Variants in TNS2 observed in about 807,000 individuals in gnomAD.
TNS2 encodes tensin-2.
A neutral mutation model predicts 155.7 loss-of-function variants in TNS2; 77 were observed. The ratio of observed to expected loss-of-function variants is 0.49; its 90% CI spans 0.41 to 0.60. The LOEUF (loss-of-function observed/expected upper bound fraction) is 0.60. TNS2 is among the 20% of genes least tolerant of loss of function. The pLI, the probability that TNS2 is intolerant of heterozygous loss-of-function variation, is 0.00. For synonymous variants in TNS2, 726 were observed against 763.9 expected, an observed-to-expected ratio of 0.95 and a Z score of 0.82; for missense variants, 1,703 against 1,868.8, an observed-to-expected ratio of 0.91 and a Z score of 1.64.
Position 53,053,488 on chromosome 12 carries a change from C to T in TNS2, c.261+39C>T, listed in dbSNP as rs772336093. The T allele has an allele frequency of 1.1e-5, 17 of 1,613,142 alleles. No homozygotes were observed. The East Asian group carries it at 3.3e-4, about 32-fold the overall frequency. ...GGGATGGGGTGGGGAGGGCAAGGAA[C>T]CTGGCCATGGTGTCCAGAGGTCTGG... On this transcript the variant is annotated intron_variant, in intron 4 of 28. Coordinates refer to ENST00000314250, the MANE Select transcript of TNS2 (RefSeq NM_170754.4).
At chr12:53,049,023 G>A (rs749344936), upstream of TNS2, 12 of 665,950 alleles carry the variant, frequency 1.8e-5, no homozygotes, top group Non-Finnish European at 2.7e-5. Context: ...AGACTCCCAG[G>A]CCATTAACCC....
chr12:53,056,055 G>A, intron 10 of TNS2: 1 of 550,062 alleles, frequency 1.8e-6, no homozygotes, highest in Non-Finnish European at 3.2e-6. Flanking sequence ...AAACAGGGTG[G>A]TGTAAAACAG....
Position 53,055,770 on chromosome 12 carries a change from C to G in TNS2, c.697-11C>G. On this transcript the variant is annotated splice_polypyrimidine_tract_variant and intron_variant, in intron 9 of 28. Coordinates refer to ENST00000314250, the MANE Select transcript of TNS2 (RefSeq NM_170754.4). ...CTCCCAGACCCTCATCCCTGTCTCT[C>G]TGTCTGTCAGGGAAACAAGGGCAAG... The G allele has an allele frequency of 6.2e-7, 1 of 1,614,240 alleles. No homozygotes were observed. Among genetic ancestry groups the G allele is most frequent in the Non-Finnish European group, 8.5e-7 (1 of 1,180,048 alleles).
chr12:53,047,092 G>A (rs530603809), upstream of TNS2: 3 of 152,470 alleles, frequency 2.0e-5, no homozygotes, highest in Non-Finnish European at 4.4e-5. Context: ...GAGAAGGTGG[G>A]GAGGAGAGGA....
At chr12:53,052,335 C>A in intron 2 of TNS2, 120 bp from the exon 3 acceptor site, 1 of 1,312,246 alleles carries the variant, frequency 7.6e-7, no homozygotes, top group South Asian at 1.3e-5. Flanking sequence ...CCAGCCCAGT[C>A]CAGGTGGGAT....
Position 53,064,020 on chromosome 12 carries a change from T to C in TNS2, c.*138T>C. 1.1e-6 allele frequency: 1 copy of C among 944,594 alleles called. No homozygotes were observed. The highest frequency in any genetic ancestry group is 1.6e-6 in the Non-Finnish European group (1 of 643,264). The allele number at this position is 944,594 out of a possible 1,614,324, so 58.5% of individuals were successfully genotyped here. On this transcript the variant is annotated 3_prime_UTR_variant, in exon 29 of 29. Coordinates refer to ENST00000314250, the MANE Select transcript of TNS2 (RefSeq NM_170754.4). ...AGGAATGAGGAGTGGGCATCAGGCC[T>C]GGGACACTGCTCTCCTTCCCCGCCC...
rs34044566 is a variant in TNS2, at chr12:53,059,672, C to T, written c.2031C>T (p.Val677=). The change falls in exon 18 of 29, where the codon GTC becomes GTT. Residue 677 remains valine, a synonymous_variant. Coordinates refer to ENST00000314250, the MANE Select transcript of TNS2 (RefSeq NM_170754.4). The surrounding 1 kb of genome is among the most constrained non-coding windows in gnomAD (Gnocchi z 4.7). The stretch of plus-strand genomic sequence containing the variant: ...GCGCCCCAGGCTACCGGGAGGTGGT[C>T]ATCCTGGAGGACCCTGGGCTGCCTG... ...GYRAPGYREV[V]ILEDPGLPAL... 0.058 allele frequency: 93,746 copies of T among 1,613,182 alleles called. 3,148 individuals carry two copies. The highest frequency in any genetic ancestry group is 0.16 in the East Asian group (7,129 of 44,870).
rs541068663 is a variant in TNS2 at position 53,052,248 on chromosome 12, C to T, written c.185-207C>T. 5.0e-4 allele frequency: 334 copies of T among 667,858 alleles called. 1 individual carries two copies. In the African/African-American group the frequency reaches 5.4e-3, roughly 11 times the overall value. The allele number at this position is 667,858 out of a possible 1,614,324, so 41.4% of individuals were successfully genotyped here. On this transcript the variant is annotated intron_variant, in intron 2 of 28. Coordinates refer to ENST00000314250, the MANE Select transcript of TNS2 (RefSeq NM_170754.4). The stretch of plus-strand genomic sequence containing the variant: ...CTCCTCACCTCCACCCACCCTGGAA[C>T]GTTACCCCTGGCCTGGGCAGTAGTA...
Position 53,060,443 on chromosome 12 carries a change from G to A in TNS2, c.2656G>A (p.Gly886Arg), listed in dbSNP as rs1298650638. The change falls in exon 19 of 29, where the codon GGG becomes AGG. Residue 886 changes from glycine to arginine, a missense_variant. Gly to Arg is a moderately radical substitution (Grantham distance 125). Transcript: ENST00000314250. The surrounding 1 kb of genome is among the most constrained non-coding windows in gnomAD (Gnocchi z 6.1). ...GGTGTCCTGGAGGGAGGGCCCCAGT[G>A]GGCACAGCACACTGCCTCGGTCTCC... is the stretch of plus-strand genomic sequence containing the variant. ...EPVSWREGPS[G>R]HSTLPRSPRD... 2 of 1,613,548 alleles carry A rather than the reference G, an allele frequency of 1.2e-6. No individual in the cohort carries two copies. The highest frequency in any genetic ancestry group is 4.5e-5 in the East Asian group (2 of 44,886).
Position 53,059,151 on chromosome 12 carries a change from C to A in TNS2, c.1510C>A (p.Pro504Thr), listed in dbSNP as rs1426370361. The A allele has an allele frequency of 1.3e-6, 2 of 1,596,886 alleles. No individual in the cohort carries two copies. The highest frequency in any genetic ancestry group is 2.2e-5 in the East Asian group (1 of 44,800). The change falls in exon 18 of 29, where the codon CCC (proline) becomes ACC (threonine). Residue 504 changes from proline (P) to threonine (T), a missense_variant. Pro to Thr is a conservative substitution (Grantham distance 38). Coordinates refer to ENST00000314250, the MANE Select transcript of TNS2 (RefSeq NM_170754.4). The surrounding 1 kb of genome is among the most constrained non-coding windows in gnomAD (Gnocchi z 4.7). The stretch of plus-strand genomic sequence containing the variant: ...GGCACCCTCTCCAGAGCCTCCACCA[C>A]CCCCCATGCTCTCTGTCAGCAGCGA... ...PPAPSPEPPPPPMLSVSSDSG... is the reference protein window; with the variant it reads ...PPAPSPEPPPTPMLSVSSDSG...
rs116376439 is a variant in TNS2, at chr12:53,056,894, C to T, written c.762-119C>T. The stretch of plus-strand genomic sequence containing the variant: ...GTGCTTCTCATTCTCATTACCACTA[C>T]TCTGGGCTTCTTCTAGACTTAGAGA... On this transcript the variant is annotated intron_variant, in intron 10 of 28. Coordinates refer to ENST00000314250, the MANE Select transcript of TNS2 (RefSeq NM_170754.4). 20 of 938,002 alleles carry T rather than the reference C, an allele frequency of 2.1e-5. No individual in the cohort carries two copies. In the African/African-American group the frequency reaches 3.0e-4, roughly 14 times the overall value. 58.1% of individuals were successfully genotyped at this position (938,002 alleles called of 1,614,324 possible).
At chr12:53,049,092 G>A (rs1390732112), upstream of TNS2, 3 of 1,379,132 alleles carry the variant, frequency 2.2e-6, no homozygotes, top group Admixed American at 5.0e-5. Context: ...TCCCTCCCTT[G>A]ACTCCCAGGA....
chr12:53,049,128 G>GGGAGGCC (rs781119559), upstream of TNS2: 2 of 1,540,548 alleles, frequency 1.3e-6, no homozygotes, highest in African/African-American at 2.8e-5. Flanking sequence ...GTTCCCAGGA[G>GGGAGGCC]GGAGGCCGGA....
rs1371555844 is a variant in TNS2 at position 53,062,034 on chromosome 12, A to G, written c.3574+94A>G. The G allele has an allele frequency of 2.8e-5, 45 of 1,611,432 alleles. 1 individual carries two copies. Among genetic ancestry groups the G allele is most frequent in the Non-Finnish European group, 8.5e-7 (1 of 1,178,964 alleles). On this transcript the variant is annotated intron_variant, in intron 22 of 28. Transcript: ENST00000314250. ...GGCAGGTGGGGGTGCTGTGCTGGCC[A>G]TGCCGCTGTAGAGGGGAGAGGTAGG...
At chr12:53,051,599 T>C (rs1447064928) in intron 1 of TNS2, among the ~76,000 whole-genome samples, 1 of 152,164 alleles carries the variant, frequency 6.6e-6, no homozygotes, top group East Asian at 1.9e-4. Flanking sequence ...ACCAGGGCCA[T>C]GTGAGGGGCC....
In TNS2 at chr12:53,050,260, G is replaced by A; in HGVS notation, c.75G>A (p.Arg25=). Residue 25 remains arginine, a splice_region_variant and synonymous_variant, in exon 1 of 29, where the codon AGG becomes AGA. Transcript: ENST00000314250. The surrounding 1 kb of genome is among the most constrained non-coding windows in gnomAD (Gnocchi z 4.7). ...GGGACAGCAGCCGGGCCGCAAGCAG[G>A]GTAGGAGTGCCCACCAGCTGGGCAA... ...GRRDSSRAAS[R]PRKAEPHSFR... is the part of the protein sequence containing the mutation. 1 of 1,604,374 alleles carries A rather than the reference G, an allele frequency of 6.2e-7. No individual in the cohort carries two copies.
intron 15 of TNS2, 48 bp downstream of exon 15, chr12:53,058,493 GGTGGCAGGC>G: frequency 6.2e-7 from 1 of 1,601,094 alleles, no homozygotes; most frequent in Non-Finnish European, 8.5e-7. Flanking sequence ...GTGGCAGGCA[GGTGGCAGGC>G]AGGTGGCAGG....
chr12:53,057,175 A>G, intron 11 of TNS2, 79 bp downstream of exon 11: 1 of 1,454,496 alleles, frequency 6.9e-7, no homozygotes, highest in Non-Finnish European at 9.5e-7. Flanking sequence ...TTATTCATGC[A>G]GCACACTTTC....
In TNS2 at chr12:53,059,489, G is replaced by A; in HGVS notation, c.1848G>A (p.Leu616=). ...GCTACTACCGGCCAGAGGGAACCCT[G>A]GAGAGGAGGCGACTGGCCTACGGGG... is the stretch of plus-strand genomic sequence containing the variant. ...NGGYYRPEGT[L]ERRRLAYGGY... is the part of the protein sequence containing the mutation. Residue 616 remains leucine, a synonymous_variant, in exon 18 of 29, where the codon CTG becomes CTA. Coordinates refer to ENST00000314250, the MANE Select transcript of TNS2 (RefSeq NM_170754.4). This position sits in a 1 kb window ranked among gnomAD's most constrained non-coding sequence, Gnocchi z 4.7. 6.4e-7 allele frequency: 1 copy of A among 1,565,336 alleles called. No homozygotes were observed. The highest frequency in any genetic ancestry group is 8.6e-7 in the Non-Finnish European group (1 of 1,159,422).
Sources: allele counts gnomAD v4.1 joint callset (sites outside exome capture counted in the v4.1 genomes callset), GRCh38; gene constraint gnomAD v4.1.1; non-coding constraint Gnocchi (gnomAD v3.1); transcripts MANE v1.5; gene names NCBI Gene and HGNC (gene_info 2026-07-23, HGNC 2026-07-21).